Variants in UXT observed in about 807,000 individuals in gnomAD.
The protein encoded by UXT is protein UXT.
For synonymous variants in UXT, 54 were observed against 52.8 expected (o/e 1.02, Z -0.10); for missense variants, 111 against 132.7 (o/e 0.84, Z 0.80).
Position 47,652,073 on chromosome X carries a change from G to A in UXT, c.456+8C>T, listed in dbSNP as rs1439521854. The A allele has an allele frequency of 4.1e-6, 5 of 1,205,103 alleles. No homozygotes were observed. The Admixed American group carries it at 1.1e-4, about 26-fold the overall frequency. On this transcript the variant is annotated splice_region_variant and intron_variant, in intron 5 of 5. Coordinates refer to ENST00000335890, the MANE Select transcript of UXT (RefSeq NM_153477.3). Reference sequence around the variant, plus strand: ...ACAGAGTCTGGTAGTGGGGTGAGCTGCTCTCACCTCTAGCAACATGTGGAT... The same window carrying A: ...ACAGAGTCTGGTAGTGGGGTGAGCTACTCTCACCTCTAGCAACATGTGGAT...
chrX:47,651,800 A>G lies in UXT; in HGVS notation c.*42T>C, dbSNP rs112530657. 9.6e-5 allele frequency: 114 copies of G among 1,190,126 alleles called. No homozygotes were observed. Among genetic ancestry groups the G allele is most frequent in the Non-Finnish European group, 1.2e-4 (108 of 881,237 alleles). ...GAAAAAGAAGGGCCATGTGACTCAA[A>G]GGCATTCAGGCTCTTTAATGTCTGA... On this transcript the variant is annotated 3_prime_UTR_variant, in exon 6 of 6. Coordinates refer to ENST00000335890, the MANE Select transcript of UXT (RefSeq NM_153477.3).
chrX:47,654,640 A>G (rs1173776927), intron 4 of UXT, among the ~76,000 whole-genome samples: 1 of 112,435 alleles, frequency 8.9e-6, no homozygotes, highest in Non-Finnish European at 1.9e-5. Flanking sequence ...AAGAACAGGA[A>G]GAACTGACAC....
rs2058093326 is a variant in UXT at position 47,658,885 on chromosome X, C to G, written c.79G>C (p.Glu27Gln). 2.6e-6 allele frequency: 3 copies of G among 1,173,568 alleles called. No individual in the cohort carries two copies. Among genetic ancestry groups the G allele is most frequent in the African/African-American group, 1.8e-5 (1 of 56,695 alleles). The change falls in exon 1 of 6, where the codon GAG becomes CAG. Residue 27 changes from glutamate to glutamine, a missense_variant. Physicochemically the swap from Glu to Gln is conservative, Grantham distance 29. Transcript: ENST00000335890. ...AAGGTCTCGTAGCGCAGCACTTTCT[C>G]CCCCGTGGCCTCCACCGCCCGCCGC... is the stretch of plus-strand genomic sequence containing the variant.
intron 1 of UXT, among the ~76,000 whole-genome samples, chrX:47,658,512 C>T (rs936218415): frequency 6.2e-5 from 7 of 112,130 alleles, no homozygotes; most frequent in African/African-American, 2.3e-4. Flanking sequence ...TTATAGGGCA[C>T]AGAAAGGCGA....
chrX:47,653,804 A>G (rs1038671404), intron 4 of UXT, among the ~76,000 whole-genome samples: 21 of 111,850 alleles, frequency 1.9e-4, no homozygotes, highest in African/African-American at 5.5e-4. Flanking sequence ...ACGTATGTTG[A>G]ATGAATAAGT....
chrX:47,657,516 A>G (rs2058087308), intron 3 of UXT, 56 bp downstream of exon 4: 1 of 1,137,014 alleles, frequency 8.8e-7, no homozygotes, highest in Non-Finnish European at 1.2e-6. Context: ...TATAAGTTGC[A>G]TGAGGGAAGG....
chrX:47,657,333 C>A (rs767312612), intron 3 of UXT, 43 bp from the exon 5 acceptor site: 6 of 1,057,751 alleles, frequency 5.7e-6, no homozygotes, highest in Non-Finnish European at 6.5e-6. Context: ...AAGTCCTTAT[C>A]ACTGTTTAGC....
intron 1 of UXT, among the ~76,000 whole-genome samples, chrX:47,658,317 C>T (rs2058090449): frequency 8.9e-6 from 1 of 111,785 alleles, no homozygotes; most frequent in South Asian, 3.7e-4. Context: ...AGGCCTAGTT[C>T]TGAACACCTT....
At chrX:47,655,943 A>G (rs2058082097) in intron 4 of UXT, among the ~76,000 whole-genome samples, 2 of 110,299 alleles carry the variant, frequency 1.8e-5, no homozygotes, top group Non-Finnish European at 3.8e-5. Context: ...ACATTATGTG[A>G]TTTTTTTTTG....
intron 4 of UXT, among the ~76,000 whole-genome samples, chrX:47,655,001 C>T (rs1312374556): frequency 8.9e-6 from 1 of 112,564 alleles, no homozygotes; most frequent in Non-Finnish European, 1.9e-5. Context: ...TAGACTTTAG[C>T]TGGGCGCGGT....
intron 1 of UXT, among the ~76,000 whole-genome samples, 172 bp from the exon 3 acceptor site, chrX:47,658,035 T>A (rs1311843688): frequency 9.0e-6 from 1 of 111,027 alleles, no homozygotes; most frequent in Non-Finnish European, 1.9e-5. Context: ...CTGGGCTCTA[T>A]CCTTTATAGA....
In UXT at chrX:47,658,842, T is replaced by C. The variant is rs1167534969; in HGVS notation, c.122A>G (p.Gln41Arg). Residue 41 changes from glutamine to arginine, a missense_variant, in exon 1 of 6, where the codon CAG becomes CGG. By Grantham distance (43) the Gln-to-Arg change is conservative (BLOSUM62 1). Coordinates refer to ENST00000335890, the MANE Select transcript of UXT (RefSeq NM_153477.3). ...CACTGTCACTCACCGCAAGTCCCGC[T>C]GCAGCACGTCACTGATGAAGGTCTC... is the stretch of plus-strand genomic sequence containing the variant. 1 of 1,145,862 alleles carries C rather than the reference T, an allele frequency of 8.7e-7. No homozygotes were observed. Among genetic ancestry groups the C allele is most frequent in the East Asian group, 3.0e-5 (1 of 32,849 alleles). 94.4% of individuals were successfully genotyped at this position (1,145,862 alleles called of 1,213,427 possible).
At position 47,651,847 on chromosome X, in the gene UXT, G is replaced by T. The variant is rs1956442417; in HGVS notation, c.505C>A (p.His169Asn). ...CTGAGGATGGGGGGAAGAAGTCAATGGTGAGGCTTCTCTGGGAAATTCTGC... is the reference window on the plus strand; with the variant it reads ...CTGAGGATGGGGGGAAGAAGTCAATTGTGAGGCTTCTCTGGGAAATTCTGC... The change falls in exon 6 of 6, where the codon CAT becomes AAT. Residue 169 changes from histidine to asparagine, a missense_variant. By Grantham distance (68) the His-to-Asn change is moderately conservative (BLOSUM62 1). Transcript: ENST00000335890. 8.3e-7 allele frequency: 1 copy of T among 1,209,657 alleles called. No individual in the cohort carries two copies. The highest frequency in any genetic ancestry group is 1.7e-5 in the African/African-American group (1 of 57,246).
rs1217193609 is a variant in UXT, at chrX:47,658,949, GA to G, written c.14del (p.Leu5ProfsTer60). On this transcript the variant is annotated frameshift_variant, in exon 1 of 6. Coordinates refer to ENST00000335890, the MANE Select transcript of UXT (RefSeq NM_153477.3). LOFTEE classifies it high-confidence loss of function. Reference sequence around the variant, plus strand: ...CCATGATGGGCTCCTGGGGAGTGGGGAGGGGGAAGACCATGTTGACCGATCC... The same window carrying G: ...CCATGATGGGCTCCTGGGGAGTGGGGGGGGGAAGACCATGTTGACCGATCC... The G allele has an allele frequency of 1.4e-5, 17 of 1,208,558 alleles. No individual in the cohort carries two copies. The highest frequency in any genetic ancestry group is 1.8e-5 in the Non-Finnish European group (16 of 893,879).
intron 4 of UXT, among the ~76,000 whole-genome samples, chrX:47,654,397 G>A (rs193019802): frequency 9.1e-6 from 1 of 110,112 alleles, no homozygotes; most frequent in African/African-American, 3.3e-5. Flanking sequence ...TAGTAGAGAC[G>A]GGGTTTCACT....
In UXT at chrX:47,658,971, G is replaced by A. The variant is rs1046104665; in HGVS notation, c.-8C>T. On this transcript the variant is annotated 5_prime_UTR_variant, in exon 1 of 6. Transcript: ENST00000335890. Reference sequence around the variant, plus strand: ...GGGGAGGGGGAAGACCATGTTGACCGATCCAGTTTGGCCTCACACACAGTT... The same window carrying A: ...GGGGAGGGGGAAGACCATGTTGACCAATCCAGTTTGGCCTCACACACAGTT... 1 of 1,210,307 alleles carries A rather than the reference G, an allele frequency of 8.3e-7. No homozygotes were observed.
intron 4 of UXT, among the ~76,000 whole-genome samples, chrX:47,656,650 G>A (rs1163813567): frequency 1.8e-5 from 2 of 111,583 alleles, no homozygotes; most frequent in African/African-American, 6.5e-5. Flanking sequence ...CTGGGGGAAA[G>A]AGCAGTGCAG....
chrX:47,658,702 G>A (rs2058092314), intron 1 of UXT, 128 bp downstream of exon 2: 1 of 938,887 alleles, frequency 1.1e-6, no homozygotes, highest in Non-Finnish European at 1.4e-6. Context: ...CCCACTTCTC[G>A]CTCCAAGGAG....
Position 47,657,557 on chromosome X carries a change from C to T in UXT, c.284+15G>A, listed in dbSNP as rs758069251. 3.3e-5 allele frequency: 40 copies of T among 1,198,756 alleles called. No individual in the cohort carries two copies. The highest frequency in any genetic ancestry group is 1.3e-4 in the South Asian group (7 of 55,878). On this transcript the variant is annotated intron_variant, in intron 3 of 5. Coordinates refer to ENST00000335890, the MANE Select transcript of UXT (RefSeq NM_153477.3). ...GCTGAACCCTGTGGGCTCAGAGGGG[C>T]GGGTAGACACTCACACCACTGTGTC...
Sources: allele counts gnomAD v4.1 joint callset (sites outside exome capture counted in the v4.1 genomes callset), GRCh38; gene constraint gnomAD v4.1.1; transcripts MANE v1.5; gene names NCBI Gene and HGNC (gene_info 2026-07-23, HGNC 2026-07-21).